Variants in RUFY3 observed in about 807,000 individuals in gnomAD.
RUFY3 encodes the protein RUN and FYVE domain containing 3.
RUFY3 carries 34 observed loss-of-function variants against 84.0 expected under a neutral mutation model. The ratio of observed to expected loss-of-function variants is 0.40; its 90% CI spans 0.31 to 0.54. RUFY3 has a LOEUF of 0.54. Ranked by LOEUF, RUFY3 falls within the 20% of genes least tolerant of loss-of-function variation. The pLI, the probability that RUFY3 is intolerant of heterozygous loss-of-function variation, is 0.39. For synonymous variants in RUFY3, 242 were observed against 252.9 expected, an observed-to-expected ratio of 0.96 and a Z score of 0.41; for missense variants, 507 against 736.8, an observed-to-expected ratio of 0.69 and a Z score of 3.61.
chr4:70,804,260 A>G (rs925377868), intron 16 of RUFY3, 88 bp from the exon 17 acceptor site: 1 of 1,017,638 alleles, frequency 9.8e-7, no homozygotes, highest in Non-Finnish European at 1.5e-6. Context: ...GTGTGATTAT[A>G]TTAATATTGT....
In RUFY3 at chr4:70,722,803, G is replaced by A. The variant is rs1288635343; in HGVS notation, c.178+52G>A. The A allele has an allele frequency of 1.9e-6, 3 of 1,552,116 alleles. No individual in the cohort carries two copies. The African/African-American group carries it at 4.1e-5, about 21-fold the overall frequency. On this transcript the variant is annotated intron_variant, in intron 1 of 17. Transcript: ENST00000381006. The stretch of plus-strand genomic sequence containing the variant: ...TTTCACCAGCATCCTCATTGTTATG[G>A]GGGAGGGCTGGGAGGATCAGGGAGA...
intron 1 of RUFY3, among the ~76,000 whole-genome samples, chr4:70,712,066 C>T (rs1741059329): frequency 6.6e-6 from 1 of 152,182 alleles, no homozygotes; most frequent in Admixed American, 6.5e-5. Flanking sequence ...ATCATAGACT[C>T]ATTCTTTGTA....
At chr4:70,707,237 C>G (rs1348490744) in intron 1 of RUFY3, among the ~76,000 whole-genome samples, 2 of 152,210 alleles carry the variant, frequency 1.3e-5, no homozygotes, top group Non-Finnish European at 1.5e-5. Context: ...TCAGTCTCTA[C>G]CTTAGGATAC....
At chr4:70,760,112 T>C (rs1324252451) in intron 1 of RUFY3, among the ~76,000 whole-genome samples, 2 of 152,172 alleles carry the variant, frequency 1.3e-5, no homozygotes, top group Non-Finnish European at 2.9e-5. Context: ...GTCCATGATA[T>C]CAGAAATTTA....
At chr4:70,783,652 G>A (rs1394967739) in intron 9 of RUFY3, among the ~76,000 whole-genome samples, 1 of 152,024 alleles carries the variant, frequency 6.6e-6, no homozygotes, top group Admixed American at 6.6e-5. Context: ...TTTATGTTTT[G>A]TACAATTCCA....
chr4:70,750,573 T>C (rs1405455868), intron 1 of RUFY3, among the ~76,000 whole-genome samples: 1 of 152,240 alleles, frequency 6.6e-6, no homozygotes, highest in Non-Finnish European at 1.5e-5. Flanking sequence ...CACTTTAAAG[T>C]GTACAATTCA....
At chr4:70,750,848 CT>C (rs1415341918) in intron 1 of RUFY3, among the ~76,000 whole-genome samples, 2 of 152,030 alleles carry the variant, frequency 1.3e-5, no homozygotes, top group Admixed American at 1.3e-4. Context: ...AATATGTGGT[CT>C]TTTGTGTCAG....
At chr4:70,741,409 T>G (rs1472100156) in intron 1 of RUFY3, among the ~76,000 whole-genome samples, 1 of 152,198 alleles carries the variant, frequency 6.6e-6, no homozygotes, top group Non-Finnish European at 1.5e-5. Context: ...ATTGCTAATC[T>G]TAGCTTTGAA....
intron 5 of RUFY3, among the ~76,000 whole-genome samples, chr4:70,772,213 A>C (rs1304051338): frequency 6.6e-6 from 1 of 152,036 alleles, no homozygotes; most frequent in African/African-American, 2.4e-5. Context: ...TCAACTGTAC[A>C]GTTGTCCTTC....
chr4:70,806,162 C>G (rs996406567), intron 17 of RUFY3, among the ~76,000 whole-genome samples: 1 of 152,222 alleles, frequency 6.6e-6, no homozygotes, highest in Non-Finnish European at 1.5e-5. Context: ...ATTGCTCTTT[C>G]ACTGCCTTAT....
chr4:70,732,676 A>G (rs182461508), intron 1 of RUFY3, among the ~76,000 whole-genome samples: 1 of 150,856 alleles, frequency 6.6e-6, no homozygotes, highest in Non-Finnish European at 1.5e-5. Flanking sequence ...CAAACACCGC[A>G]TGTTCTCACT....
intron 1 of RUFY3, among the ~76,000 whole-genome samples, chr4:70,706,407 T>C (rs72861320): frequency 0.012 from 1,761 of 152,342 alleles, 36 homozygotes; most frequent in African/African-American, 0.04. Context: ...TAATATTTAT[T>C]GATTATTTCC....
intron 17 of RUFY3, among the ~76,000 whole-genome samples, chr4:70,804,961 T>C (rs1466216823): frequency 1.3e-5 from 2 of 151,954 alleles, no homozygotes; most frequent in Admixed American, 6.6e-5. Flanking sequence ...AAAATAATTA[T>C]GTAATAAAGC....
intron 1 of RUFY3, among the ~76,000 whole-genome samples, chr4:70,732,101 C>T (rs1025350922): frequency 3.9e-5 from 6 of 152,088 alleles, no homozygotes; most frequent in African/African-American, 9.7e-5. Flanking sequence ...TCTTCATGCC[C>T]GTGTTATATC....
intron 12 of RUFY3, 165 bp from the exon 13 acceptor site, chr4:70,793,619 CT>C (rs1327826912): frequency 7.4e-6 from 11 of 1,485,220 alleles, no homozygotes; most frequent in Admixed American, 5.4e-5. Flanking sequence ...TCTTCTCCAT[CT>C]TTTCCCCCCC....
At chr4:70,721,033 G>A (rs189403636), upstream of RUFY3, among the ~76,000 whole-genome samples, 1 of 151,934 alleles carries the variant, frequency 6.6e-6, no homozygotes, top group African/African-American at 2.4e-5. Flanking sequence ...CATGCTTAAG[G>A]CTGGGCATGG....
At chr4:70,750,276 A>G (rs1028697706) in intron 1 of RUFY3, among the ~76,000 whole-genome samples, 16 of 152,156 alleles carry the variant, frequency 1.1e-4, no homozygotes, top group Admixed American at 5.9e-4. Context: ...TATTTAATCT[A>G]ATACCTCCAT....
chr4:70,761,014 A>T (rs1009858349), intron 1 of RUFY3, among the ~76,000 whole-genome samples: 2 of 152,212 alleles, frequency 1.3e-5, no homozygotes, highest in African/African-American at 4.8e-5. Flanking sequence ...ATTGCTTGGG[A>T]TAATTTGCAT....
chr4:70,791,989 A>G (rs934448342), intron 12 of RUFY3: 9 of 984,370 alleles, frequency 9.1e-6, no homozygotes, highest in Non-Finnish European at 4.8e-6. Context: ...TAGGTAACCT[A>G]TGATAACATA....
Sources: allele counts gnomAD v4.1 joint callset (sites outside exome capture counted in the v4.1 genomes callset), GRCh38; gene constraint gnomAD v4.1.1; transcripts MANE v1.5; gene names NCBI Gene and HGNC (gene_info 2026-07-23, HGNC 2026-07-21).